NKAIN3: variants seen among roughly 807,000 people sequenced by gnomAD.
NKAIN3 encodes sodium/potassium-transporting ATPase subunit beta-1-interacting protein 3.
Under a neutral mutation model 30.2 loss-of-function variants are expected in NKAIN3, and 25 were observed. The observed-to-expected ratio is 0.83, with a 90% CI of 0.60 to 1.16. NKAIN3 has a LOEUF of 1.16. Among genes scored for constraint, NKAIN3 ranks in the 50% most tolerant of loss-of-function variants. The pLI is 0.00. For synonymous variants in NKAIN3, 91 were observed against 89.6 expected (o/e 1.02, Z -0.09); for missense variants, 225 against 254.1 (o/e 0.89, Z 0.78).
chr8:62,699,188 CT>C (rs962337189), intron 3 of NKAIN3, among the ~76,000 whole-genome samples: 5 of 152,102 alleles, frequency 3.3e-5, no homozygotes, highest in African/African-American at 1.2e-4. Context: ...TTTCTTCCTA[CT>C]TTTTGAAAAC....
chr8:62,478,477 A>G (rs1806593954), intron 1 of NKAIN3, among the ~76,000 whole-genome samples: 1 of 152,184 alleles, frequency 6.6e-6, no homozygotes, highest in African/African-American at 2.4e-5. Context: ...AACTGAAGGT[A>G]TAAGTTTTGA....
intron 3 of NKAIN3, among the ~76,000 whole-genome samples, chr8:62,681,355 T>A (rs1813638836): frequency 6.6e-6 from 1 of 152,228 alleles, no homozygotes; most frequent in African/African-American, 2.4e-5. Flanking sequence ...AGAAAAAATA[T>A]TCATTTCATG....
rs1235361451 is a variant in NKAIN3, at chr8:62,555,811, A to G, written c.55-23728A>G. ...TCAATCTTCAAAACTTCAAGAACAT[A>G]GAAATATTTTAAGACCTGATAGAGT... On this transcript the variant is annotated intron_variant, in intron 1 of 6. Transcript: ENST00000623646. 2.6e-5 allele frequency among the ~76,000 whole-genome samples: 4 copies of G among 152,094 alleles called. No individual in the cohort carries two copies. In the South Asian group the frequency reaches 6.2e-4, roughly 24 times the overall value.
rs61398753 is a variant in NKAIN3, at chr8:62,595,370, T to TG, written c.273+5580dup. Among the ~76,000 whole-genome samples the TG allele has an allele frequency of 9.0e-5, 12 of 133,578 alleles. No homozygotes were observed. In the East Asian group the frequency reaches 1.8e-3, roughly 20 times the overall value. 87.6% of individuals were successfully genotyped at this position (133,578 alleles called of 152,430 possible). ...ATCTGTTTCACCATTTGGGGTTTTTTGGGGCTATTTTCTTTTTTTTTTTTT... is the reference window on the plus strand; with the variant it reads ...ATCTGTTTCACCATTTGGGGTTTTTTGGGGGCTATTTTCTTTTTTTTTTTTT... On this transcript the variant is annotated intron_variant, in intron 3 of 6. Transcript: ENST00000623646.
chr8:62,880,189 G>T (rs997235498), intron 4 of NKAIN3, among the ~76,000 whole-genome samples: 2 of 152,110 alleles, frequency 1.3e-5, no homozygotes, highest in Non-Finnish European at 2.9e-5. Context: ...AAACAAAGAG[G>T]CAGAGAGAGG....
chr8:62,723,010 AG>A (rs1210856982), intron 3 of NKAIN3, among the ~76,000 whole-genome samples: 1 of 152,198 alleles, frequency 6.6e-6, no homozygotes, highest in Non-Finnish European at 1.5e-5. Context: ...GCAATTAATC[AG>A]AACTGTTTCC....
intron 1 of NKAIN3, among the ~76,000 whole-genome samples, chr8:62,326,071 G>T (rs1245509311): frequency 1.3e-5 from 2 of 151,492 alleles, no homozygotes; most frequent in Non-Finnish European, 3.0e-5. Context: ...TATTAATTTT[G>T]CTATATTTAT....
rs1158574902 is a variant in NKAIN3 at position 62,345,422 on chromosome 8, TATATACAC to T, written c.54+96301_54+96308del. On this transcript the variant is annotated intron_variant, in intron 1 of 6. Transcript: ENST00000623646. ...ATACACATATATGTATATATACACA[TATATACAC>T]ATATATGTATATATACACACATATG... 1.6e-3 allele frequency among the ~76,000 whole-genome samples: 209 copies of T among 130,074 alleles called. 3 individuals are homozygous for T. The highest frequency in any genetic ancestry group is 6.5e-3 in the African/African-American group (198 of 30,674). 85.3% of individuals were successfully genotyped at this position (130,074 alleles called of 152,430 possible). A position where few individuals can be genotyped will look rare whatever the true frequency, so the allele number is the denominator to read the frequency against.
chr8:62,729,046 A>ACAAAACAAAAC (rs200093846), intron 3 of NKAIN3, among the ~76,000 whole-genome samples: 2,955 of 139,460 alleles, frequency 0.021, 252 homozygotes, highest in African/African-American at 0.074. Flanking sequence ...AAAACAAAAA[A>ACAAAACAAAAC]AAAAAACCTC....
intron 3 of NKAIN3, among the ~76,000 whole-genome samples, chr8:62,636,908 TACTCTCTC>T (rs1812146846): frequency 6.6e-6 from 1 of 152,218 alleles, no homozygotes; most frequent in South Asian, 2.1e-4. Context: ...ATTAACTCTA[TACTCTCTC>T]ACTTATAATT....
At chr8:62,531,965 T>C (rs1311346196) in intron 1 of NKAIN3, among the ~76,000 whole-genome samples, 2 of 152,170 alleles carry the variant, frequency 1.3e-5, no homozygotes, top group African/African-American at 4.8e-5. Context: ...ATGACAGTAA[T>C]AAAGAAAGGA....
intron 4 of NKAIN3, among the ~76,000 whole-genome samples, chr8:62,831,362 C>G (rs567632917): frequency 6.6e-6 from 1 of 152,238 alleles, no homozygotes; most frequent in East Asian, 1.9e-4. Context: ...ATCACACTAG[C>G]TCTCCAGAAA....
chr8:62,401,280 T>C (rs542167525), intron 1 of NKAIN3, among the ~76,000 whole-genome samples: 2 of 152,256 alleles, frequency 1.3e-5, no homozygotes, highest in South Asian at 4.2e-4. Flanking sequence ...TTTGATTCTT[T>C]TAAATTATTT....
At chr8:62,717,500 G>T (rs1029878925) in intron 3 of NKAIN3, among the ~76,000 whole-genome samples, 2 of 150,974 alleles carry the variant, frequency 1.3e-5, no homozygotes, top group African/African-American at 4.9e-5. Context: ...TGTAATTAAG[G>T]GTTTTTTTTT....
At chr8:62,545,398 C>A (rs1259860646) in intron 1 of NKAIN3, among the ~76,000 whole-genome samples, 4 of 152,090 alleles carry the variant, frequency 2.6e-5, no homozygotes, top group African/African-American at 9.7e-5. Context: ...CCAGCCCAGT[C>A]AGCATGGCAA....
At chr8:62,807,986 G>A (rs1818358516) in intron 4 of NKAIN3, among the ~76,000 whole-genome samples, 1 of 151,792 alleles carries the variant, frequency 6.6e-6, no homozygotes, top group Admixed American at 6.6e-5. Flanking sequence ...TTTTAAAAAA[G>A]ACATATACTT....
intron 4 of NKAIN3, among the ~76,000 whole-genome samples, chr8:62,901,866 A>G (rs1312021388): frequency 6.6e-6 from 1 of 152,234 alleles, no homozygotes; most frequent in Non-Finnish European, 1.5e-5. Flanking sequence ...TACTGAGTTT[A>G]CCATGACTCA....
At chr8:62,783,519 A>C (rs147563922) in intron 4 of NKAIN3, among the ~76,000 whole-genome samples, 101 of 152,216 alleles carry the variant, frequency 6.6e-4, no homozygotes, top group African/African-American at 2.4e-3. Context: ...CAAGGATATA[A>C]AAGACCTCCA....
chr8:62,564,125 C>T (rs1809671093), intron 1 of NKAIN3, among the ~76,000 whole-genome samples: 2 of 152,210 alleles, frequency 1.3e-5, no homozygotes, highest in Non-Finnish European at 2.9e-5. Flanking sequence ...ACATATCCAT[C>T]CAACAAGTTC....
Sources: gnomAD v4.1 joint callset for allele counts (sites outside exome capture counted in the v4.1 genomes callset) on GRCh38, gnomAD v4.1.1 for gene constraint, MANE v1.5 for transcripts, NCBI Gene and HGNC (gene_info 2026-07-23, HGNC 2026-07-21) for gene names.